Variants in C1orf87 observed in about 807,000 individuals in gnomAD.
C1orf87 encodes the protein chromosome 1 open reading frame 87, also known as uncharacterized protein C1orf87.
C1orf87 carries 58 observed loss-of-function variants against 60.5 expected under a neutral mutation model. That is an observed-to-expected ratio of 0.96 (90% CI 0.78 to 1.19). The LOEUF (loss-of-function observed/expected upper bound fraction) is 1.19. Among genes scored for constraint, C1orf87 ranks in the 50% most tolerant of loss-of-function variants. The pLI is 0.00. For synonymous variants in C1orf87, 236 were observed against 227.4 expected (o/e 1.04, Z -0.34); for missense variants, 673 against 638.6 (o/e 1.05, Z -0.58).
At chr1:60,057,524 G>T (rs544463039) in intron 2 of C1orf87, among the ~76,000 whole-genome samples, 1 of 152,178 alleles carries the variant, frequency 6.6e-6, no homozygotes, top group Admixed American at 6.6e-5. Context: ...CAGTTGAACT[G>T]CAGAAAAGGA....
rs145230176 is a variant in C1orf87 at position 60,041,001 on chromosome 1, T to C, written c.473A>G (p.Asp158Gly). ...TCTTAGTATACACACCTCAGGTTGG[T>C]CAGAGCTGCCTCTCACCATCTGTTC... ...SLEQMVRGSS[D>G]QPEDIGQSPS... Residue 158 changes from aspartate (D) to glycine (G), a missense_variant, in exon 4 of 12, where the codon GAC becomes GGC. Physicochemically the swap from Asp to Gly is moderately conservative, Grantham distance 94 (BLOSUM62 -1). Transcript: ENST00000371201. 3,208 of 1,609,916 alleles carry C rather than the reference T, an allele frequency of 2.0e-3. 11 individuals carry two copies. Among genetic ancestry groups the C allele is most frequent in the Middle Eastern group, 7.0e-3 (42 of 6,036 alleles).
chr1:60,064,587 T>C (rs1557481716), intron 2 of C1orf87, among the ~76,000 whole-genome samples: 1 of 115,402 alleles, frequency 8.7e-6, no homozygotes, highest in African/African-American at 3.3e-5. Context: ...ATATATCATA[T>C]ATAATATATA....
At chr1:60,040,688 A>T (rs1416751003) in intron 4 of C1orf87, among the ~76,000 whole-genome samples, 1 of 151,792 alleles carries the variant, frequency 6.6e-6, no homozygotes, top group Non-Finnish European at 1.5e-5. Context: ...TCCTCAGGAC[A>T]CTTTCTGGAA....
intron 8 of C1orf87, among the ~76,000 whole-genome samples, chr1:60,024,402 A>C (rs1384966138): frequency 1.3e-5 from 2 of 152,182 alleles, no homozygotes; most frequent in African/African-American, 2.4e-5. Flanking sequence ...ATGTGTTACG[A>C]GGTCTGCCTC....
intron 8 of C1orf87, among the ~76,000 whole-genome samples, chr1:60,025,169 G>T (rs1040637441): frequency 3.9e-5 from 6 of 152,228 alleles, no homozygotes; most frequent in Non-Finnish European, 7.4e-5. Context: ...CTTACAGATG[G>T]CTACCTTTTG....
chr1:59,994,746 C>T (rs1368919558), intron 11 of C1orf87, among the ~76,000 whole-genome samples: 1 of 152,166 alleles, frequency 6.6e-6, no homozygotes, highest in African/African-American at 2.4e-5. Flanking sequence ...CCCAGAAGCA[C>T]TGATGTGATG....
chr1:60,055,572 A>T, intron 2 of C1orf87, 134 bp from the exon 3 acceptor site: 1 of 693,682 alleles, frequency 1.4e-6, no homozygotes, highest in South Asian at 1.8e-5. Flanking sequence ...AAGCATAAAC[A>T]TTGGTTATTT....
At chr1:60,005,453 G>C (rs1645037063) in intron 9 of C1orf87, among the ~76,000 whole-genome samples, 1 of 152,068 alleles carries the variant, frequency 6.6e-6, no homozygotes. Flanking sequence ...TAAAACCAAT[G>C]ATTAGGGGAT....
At position 59,990,438 on chromosome 1, in the gene C1orf87, T is replaced by G. The variant is rs113646868; in HGVS notation, c.*235A>C. 16 of 325,870 alleles carry G rather than the reference T, an allele frequency of 4.9e-5. No homozygotes were observed. Among genetic ancestry groups the G allele is most frequent in the Non-Finnish European group, 8.3e-5 (15 of 181,142 alleles). 20.2% of individuals were successfully genotyped at this position (325,870 alleles called of 1,614,324 possible). On this transcript the variant is annotated 3_prime_UTR_variant, in exon 12 of 12. Coordinates refer to ENST00000371201, the MANE Select transcript of C1orf87 (RefSeq NM_152377.3). ...TATTAAAACAGAAGGAGATTCTAAGTAGCTGGGTTCTTGCCACATCAAAAG... is the reference window on the plus strand; with the variant it reads ...TATTAAAACAGAAGGAGATTCTAAGGAGCTGGGTTCTTGCCACATCAAAAG...
chr1:60,053,392 G>C (rs1028896327), intron 3 of C1orf87, among the ~76,000 whole-genome samples: 5 of 152,138 alleles, frequency 3.3e-5, no homozygotes, highest in African/African-American at 1.2e-4. Context: ...ATGAACTAAA[G>C]ATAATAGGAG....
chr1:60,054,435 T>C (rs922050938), intron 3 of C1orf87, among the ~76,000 whole-genome samples: 6 of 152,218 alleles, frequency 3.9e-5, no homozygotes, highest in African/African-American at 1.4e-4. Context: ...GAAAGGGCTA[T>C]TAAAATTACA....
chr1:60,042,156 C>T (rs1018685386), intron 3 of C1orf87, among the ~76,000 whole-genome samples: 3 of 152,174 alleles, frequency 2.0e-5, no homozygotes, highest in African/African-American at 7.2e-5. Context: ...CAATTGTCTC[C>T]AAGTATGGTA....
chr1:60,041,370 ATG>A (rs1218145412), intron 3 of C1orf87, among the ~76,000 whole-genome samples: 3 of 152,220 alleles, frequency 2.0e-5, no homozygotes, highest in Non-Finnish European at 4.4e-5. Flanking sequence ...ACACTTAGGT[ATG>A]TCTCATTTGG....
chr1:60,066,707 G>T (rs1200853209), intron 2 of C1orf87, among the ~76,000 whole-genome samples: 1 of 151,508 alleles, frequency 6.6e-6, no homozygotes, highest in Non-Finnish European at 1.5e-5. Context: ...TTTAAGTTCT[G>T]GGATACATGT....
chr1:59,990,747 G>C lies in C1orf87; in HGVS notation c.1567C>G (p.Gln523Glu), dbSNP rs1425404414. 1 of 1,613,934 alleles carries C rather than the reference G, an allele frequency of 6.2e-7. No individual in the cohort carries two copies. Reference sequence around the variant, plus strand: ...CCCGAACGGAATCTGCGCAAGGCCTGGTCGATTTTCTGAGGGCTCAGGGAC... The same window carrying C: ...CCCGAACGGAATCTGCGCAAGGCCTCGTCGATTTTCTGAGGGCTCAGGGAC... ...NLSLSPQKID[Q>E]ALRRFRSGEN... The change falls in exon 12 of 12, where the codon CAG becomes GAG. Residue 523 changes from glutamine to glutamate, a missense_variant. By Grantham distance (29) the Gln-to-Glu change is conservative (BLOSUM62 2). Coordinates refer to ENST00000371201, the MANE Select transcript of C1orf87 (RefSeq NM_152377.3).
At chr1:60,025,263 T>C (rs1645191150) in intron 8 of C1orf87, 138 bp downstream of exon 8, 1 of 614,238 alleles carries the variant, frequency 1.6e-6, no homozygotes, top group Non-Finnish European at 2.8e-6. Flanking sequence ...GGGTTTCACC[T>C]TTATGACATC....
At chr1:60,056,702 C>G (rs1441444891) in intron 2 of C1orf87, among the ~76,000 whole-genome samples, 2 of 152,174 alleles carry the variant, frequency 1.3e-5, no homozygotes, top group Non-Finnish European at 2.9e-5. Flanking sequence ...CTCTATTACA[C>G]TATATCATGT....
chr1:60,034,912 G>A (rs936236770), intron 6 of C1orf87, among the ~76,000 whole-genome samples: 5 of 151,728 alleles, frequency 3.3e-5, no homozygotes, highest in Non-Finnish European at 7.4e-5. Flanking sequence ...TTTGTCCAAA[G>A]GTGATATTAT....
At chr1:60,057,755 G>T (rs568376897) in intron 2 of C1orf87, among the ~76,000 whole-genome samples, 10 of 152,322 alleles carry the variant, frequency 6.6e-5, no homozygotes, top group Non-Finnish European at 1.3e-4. Context: ...TCGGGGAAAT[G>T]ATGGGGTAGA....
Sources: allele counts gnomAD v4.1 joint callset (sites outside exome capture counted in the v4.1 genomes callset), GRCh38; gene constraint gnomAD v4.1.1; transcripts MANE v1.5; gene names NCBI Gene and HGNC (gene_info 2026-07-23, HGNC 2026-07-21).